Variants in LPP observed in about 807,000 individuals in gnomAD.
LPP encodes the protein LIM domain containing preferred translocation partner in lipoma, also known as lipoma-preferred partner.
LPP carries 38 observed loss-of-function variants against 60.4 expected under a neutral mutation model. That is an observed-to-expected ratio of 0.63 (90% CI 0.49 to 0.83). The LOEUF (loss-of-function observed/expected upper bound fraction) is 0.83, where lower values mean the gene tolerates loss of function less well. Among genes scored for constraint, LPP ranks in the 40% least tolerant of loss-of-function variants. The probability of loss-of-function intolerance (pLI) is 0.00; values close to 1 mark genes in which losing one functional copy is unlikely to be tolerated. For missense variants in LPP, 902 were observed against 783.6 expected, an observed-to-expected ratio of 1.15 and a Z score of -1.80; for synonymous variants, 328 against 290.8, an observed-to-expected ratio of 1.13 and a Z score of -1.30.
Position 188,265,758 on chromosome 3 carries a change from C to A in LPP, c.-67+40231C>A, listed in dbSNP as rs559235100. ...AGTCTGGAGGTGAGATATCTGTATC[C>A]AATCAGAGAAGTTTCCTATGCCTTC... On this transcript the variant is annotated intron_variant, in intron 2 of 11. Coordinates refer to ENST00000617246, the MANE Select transcript of LPP (RefSeq NM_001375462.1). Among the ~76,000 whole-genome samples, 5 of 151,402 alleles carry A rather than the reference C, an allele frequency of 3.3e-5. No individual in the cohort carries two copies. The South Asian group carries it at 1.0e-3, about 32-fold the overall frequency.
At chr3:188,754,071 A>G (rs924655492) in intron 8 of LPP, among the ~76,000 whole-genome samples, 1 of 152,298 alleles carries the variant, frequency 6.6e-6, no homozygotes, top group African/African-American at 2.4e-5. Context: ...AGTTTGATGT[A>G]TGATGTGATA....
chr3:188,509,870 G>GTCGTT (rs1560498059), intron 5 of LPP, among the ~76,000 whole-genome samples: 1 of 44,158 alleles, frequency 2.3e-5, no homozygotes, highest in Non-Finnish European at 5.3e-5. Flanking sequence ...TTTTTTTTTT[G>GTCGTT]TTGTTTTTTT....
chr3:188,540,988 A>G (rs1183344111), intron 6 of LPP, among the ~76,000 whole-genome samples: 1 of 152,232 alleles, frequency 6.6e-6, no homozygotes. Flanking sequence ...TTGTCCTACC[A>G]TCTGAAAGAC....
intron 1 of LPP, chr3:188,179,043 A>AGT: frequency 4.0e-6 from 1 of 251,706 alleles, no homozygotes; most frequent in Non-Finnish European, 8.0e-6. Flanking sequence ...AGAGACAGAG[A>AGT]GAGAGAGAGA....
intron 1 of LPP, chr3:188,212,629 C>T (rs929069170): frequency 6.6e-6 from 1 of 152,320 alleles, no homozygotes; most frequent in Admixed American, 6.5e-5. Context: ...TTTCCAGAAA[C>T]AAAGTCGTCC....
intron 2 of LPP, among the ~76,000 whole-genome samples, chr3:188,292,714 C>G (rs1746418189): frequency 6.6e-6 from 1 of 152,182 alleles, no homozygotes; most frequent in Non-Finnish European, 1.5e-5. Context: ...TTTATTTACA[C>G]TACATGGTTT....
At chr3:188,185,438 A>G (rs556662688) in intron 1 of LPP, among the ~76,000 whole-genome samples, 156 of 151,484 alleles carry the variant, frequency 1.0e-3, no homozygotes, top group Middle Eastern at 3.4e-3. Flanking sequence ...CAGTTTATAG[A>G]GTGGATAACT....
intron 1 of LPP, among the ~76,000 whole-genome samples, chr3:188,187,503 G>C (rs1257142502): frequency 1.3e-5 from 2 of 151,576 alleles, no homozygotes; most frequent in East Asian, 1.9e-4. Context: ...AAAATTTTAG[G>C]CTGTATTTTG....
chr3:188,173,843 T>C (rs2148827086), intron 1 of LPP, among the ~76,000 whole-genome samples: 1 of 152,350 alleles, frequency 6.6e-6, no homozygotes, highest in Admixed American at 6.5e-5. Context: ...TCAAGATACC[T>C]TGATCCTGTC....
chr3:188,611,458 C>A (rs1843703038), intron 7 of LPP, among the ~76,000 whole-genome samples: 1 of 152,200 alleles, frequency 6.6e-6, no homozygotes, highest in Admixed American at 6.5e-5. Context: ...TCAAAACAAC[C>A]AGTTCAGAGA....
At chr3:188,794,920 G>A (rs1412953778) in intron 9 of LPP, among the ~76,000 whole-genome samples, 2 of 152,092 alleles carry the variant, frequency 1.3e-5, no homozygotes, top group African/African-American at 2.4e-5. Flanking sequence ...GGAGGATCAC[G>A]AGGTCAGGAG....
chr3:188,298,185 G>A (rs886776620), intron 2 of LPP, among the ~76,000 whole-genome samples: 5 of 152,134 alleles, frequency 3.3e-5, no homozygotes, highest in Admixed American at 1.3e-4. Context: ...AGCCCAATGA[G>A]CTCCTGATAC....
At chr3:188,603,304 T>C (rs1175304798) in intron 6 of LPP, among the ~76,000 whole-genome samples, 1 of 151,244 alleles carries the variant, frequency 6.6e-6, no homozygotes, top group African/African-American at 2.4e-5. Flanking sequence ...ATCACTTATC[T>C]CTTAAAAATA....
chr3:188,440,202 C>G (rs1413513464), intron 4 of LPP, among the ~76,000 whole-genome samples: 4 of 152,152 alleles, frequency 2.6e-5, no homozygotes, highest in African/African-American at 9.7e-5. Context: ...TGAATGACAG[C>G]TGTTTAGTAT....
At chr3:188,329,356 A>C (rs979679223) in intron 2 of LPP, among the ~76,000 whole-genome samples, 1 of 152,226 alleles carries the variant, frequency 6.6e-6, no homozygotes, top group African/African-American at 2.4e-5. Flanking sequence ...TCTTTGTCAG[A>C]GATGGTGATG....
chr3:188,757,801 A>C (rs1730754546), intron 8 of LPP, among the ~76,000 whole-genome samples: 6 of 151,990 alleles, frequency 3.9e-5, no homozygotes. Context: ...TTCTGCAATG[A>C]AATGTTGTCA....
chr3:188,820,869 G>A (rs1577773243), intron 9 of LPP, among the ~76,000 whole-genome samples: 1 of 151,960 alleles, frequency 6.6e-6, no homozygotes, highest in Non-Finnish European at 1.5e-5. Context: ...GTTAGTATAC[G>A]AAACTTGTAT....
chr3:188,183,757 T>G (rs1577161970), intron 1 of LPP, among the ~76,000 whole-genome samples: 1 of 148,486 alleles, frequency 6.7e-6, no homozygotes, highest in African/African-American at 2.5e-5. Flanking sequence ...TGGGAGGGGG[T>G]GTGCTGGGGA....
chr3:188,529,222 G>C (rs1214080562), intron 6 of LPP, among the ~76,000 whole-genome samples: 2 of 152,202 alleles, frequency 1.3e-5, no homozygotes, highest in Admixed American at 6.5e-5. Flanking sequence ...TGTGCCAAGA[G>C]AAGATGATGT....
Sources: gnomAD v4.1 joint callset for allele counts (sites outside exome capture counted in the v4.1 genomes callset) on GRCh38, gnomAD v4.1.1 for gene constraint, MANE v1.5 for transcripts, NCBI Gene and HGNC (gene_info 2026-07-23, HGNC 2026-07-21) for gene names.